Variants in SAMD5 observed in about 807,000 individuals in gnomAD.
SAMD5 encodes sterile alpha motif domain-containing protein 5.
Under a neutral mutation model 11.3 loss-of-function variants are expected in SAMD5, and 13 were observed. The ratio of observed to expected loss-of-function variants is 1.15; its 90% CI spans 0.75 to 1.83. The LOEUF (loss-of-function observed/expected upper bound fraction) is 1.83. SAMD5 is among the 40% of genes most tolerant of loss of function. The pLI is 0.00. For missense variants in SAMD5, 255 were observed against 239.1 expected (o/e 1.07, Z -0.44); for synonymous variants, 129 against 111.3 (o/e 1.16, Z -1.00).
downstream of SAMD5, among the ~76,000 whole-genome samples, chr6:147,738,990 G>A (rs1791842666): frequency 1.3e-5 from 2 of 152,196 alleles, no homozygotes. Flanking sequence ...TCAGCCTGGA[G>A]CCTGTGAGAA....
chr6:147,880,356 C>A, the SAMD5 span, among the ~76,000 whole-genome samples: 1 of 152,030 alleles, frequency 6.6e-6, no homozygotes, highest in South Asian at 2.1e-4. Flanking sequence ...CTGGGTCTCT[C>A]TTGCACACAC....
At chr6:147,851,044 TC>T in the SAMD5 span, among the ~76,000 whole-genome samples, 1 of 151,456 alleles carries the variant, frequency 6.6e-6, no homozygotes, top group Non-Finnish European at 1.5e-5. Context: ...CCTCCCAGAT[TC>T]AAGGGATTCT....
At chr6:147,666,180 G>A (rs1181611779) in intron 1 of SAMD5, among the ~76,000 whole-genome samples, 10 of 152,084 alleles carry the variant, frequency 6.6e-5, no homozygotes, top group Non-Finnish European at 1.5e-4. Context: ...CTCGTGATCC[G>A]CCCGCCTCAG....
chr6:147,839,607 G>T, the SAMD5 span, among the ~76,000 whole-genome samples: 1 of 152,134 alleles, frequency 6.6e-6, no homozygotes, highest in African/African-American at 2.4e-5. Context: ...AAAATTAGCT[G>T]GGTGTGGTGG....
At chr6:147,696,217 A>G (rs575317867) in intron 1 of SAMD5, among the ~76,000 whole-genome samples, 2 of 152,152 alleles carry the variant, frequency 1.3e-5, no homozygotes, top group Non-Finnish European at 2.9e-5. Flanking sequence ...TCCACCCTCC[A>G]AACTTGCCTT....
At chr6:147,833,835 C>G in the SAMD5 span, among the ~76,000 whole-genome samples, 65,156 of 152,048 alleles carry the variant, frequency 0.43, 16,140 homozygotes, top group African/African-American at 0.69. Flanking sequence ...CAGAAGTAGT[C>G]CTTTATTGAT....
chr6:147,779,989 T>C, the SAMD5 span, among the ~76,000 whole-genome samples: 1 of 152,196 alleles, frequency 6.6e-6, no homozygotes, highest in African/African-American at 2.4e-5. Context: ...TTCATTTTCA[T>C]AGAATAAAAG....
the SAMD5 span, among the ~76,000 whole-genome samples, chr6:147,767,143 G>GC: frequency 6.6e-6 from 1 of 152,196 alleles, no homozygotes; most frequent in African/African-American, 2.4e-5. Flanking sequence ...GTGCATGTAT[G>GC]CTAGATTCAC....
At chr6:147,915,961 C>T in the SAMD5 span, among the ~76,000 whole-genome samples, 2 of 139,636 alleles carry the variant, frequency 1.4e-5, no homozygotes, top group African/African-American at 5.3e-5. Flanking sequence ...TCCAAGTGTT[C>T]TCACTCGTCA....
At chr6:147,607,494 G>A (rs1789721018) in intron 1 of SAMD5, among the ~76,000 whole-genome samples, 1 of 152,020 alleles carries the variant, frequency 6.6e-6, no homozygotes, top group Admixed American at 6.6e-5. Flanking sequence ...ATAGACCAAT[G>A]GGACAGAATG....
the SAMD5 span, among the ~76,000 whole-genome samples, chr6:147,815,959 G>A: frequency 6.6e-6 from 1 of 151,994 alleles, no homozygotes. Flanking sequence ...TGCTTCTCTT[G>A]TTTACAGTAC....
the SAMD5 span, among the ~76,000 whole-genome samples, chr6:147,862,949 A>T: frequency 6.6e-6 from 1 of 152,178 alleles, no homozygotes; most frequent in Non-Finnish European, 1.5e-5. Flanking sequence ...TTTGACTATT[A>T]GTCTTAGCTT....
At chr6:147,650,200 C>T (rs1422337164) in intron 1 of SAMD5, among the ~76,000 whole-genome samples, 3 of 152,094 alleles carry the variant, frequency 2.0e-5, no homozygotes, top group Non-Finnish European at 4.4e-5. Flanking sequence ...GTTAATAAAA[C>T]ACACAAGGGC....
Position 147,660,365 on chromosome 6 carries a change from T to A in SAMD5, c.163-76952T>A, listed in dbSNP as rs139578305. On this transcript the variant is annotated intron_variant, in intron 1 of 1. Transcript: ENST00000566741. ...GGGAGACGGGATTTACAGAGGGACG[T>A]GCAGAACCCCTTCCTTTCCTAGGCC... 9.2e-5 allele frequency among the ~76,000 whole-genome samples: 14 copies of A among 152,290 alleles called. No individual in the cohort carries two copies. The East Asian group carries it at 2.7e-3, about 29-fold the overall frequency.
intron 1 of SAMD5, among the ~76,000 whole-genome samples, chr6:147,731,529 G>A (rs1174289579): frequency 1.3e-5 from 2 of 151,244 alleles, no homozygotes; most frequent in Non-Finnish European, 2.9e-5. Context: ...TTCCTTTATT[G>A]TATATTCTCT....
the SAMD5 span, among the ~76,000 whole-genome samples, chr6:147,763,913 C>T: frequency 6.6e-6 from 1 of 152,192 alleles, no homozygotes; most frequent in South Asian, 2.1e-4. Flanking sequence ...TTGTTTATCT[C>T]GATTACTGAG....
chr6:147,755,014 T>G, the SAMD5 span, among the ~76,000 whole-genome samples: 4 of 152,154 alleles, frequency 2.6e-5, no homozygotes, highest in Non-Finnish European at 5.9e-5. Context: ...AGTTTTATTC[T>G]TTTCGCTTAG....
At chr6:147,824,686 A>G in the SAMD5 span, among the ~76,000 whole-genome samples, 2 of 152,228 alleles carry the variant, frequency 1.3e-5, no homozygotes, top group Non-Finnish European at 2.9e-5. Context: ...TTTTAAATGT[A>G]AATTTAAAAT....
intron 1 of SAMD5, among the ~76,000 whole-genome samples, chr6:147,728,537 C>T (rs1005072968): frequency 6.6e-6 from 1 of 152,200 alleles, no homozygotes; most frequent in Non-Finnish European, 1.5e-5. Flanking sequence ...GCCTCTGGAT[C>T]CCATTGCCAA....
Sources: allele counts gnomAD v4.1 joint callset (sites outside exome capture counted in the v4.1 genomes callset), GRCh38; gene constraint gnomAD v4.1.1; transcripts MANE v1.5; gene names NCBI Gene and HGNC (gene_info 2026-07-23, HGNC 2026-07-21).